DLG1: variants seen among roughly 807,000 people sequenced by gnomAD.
DLG1 encodes disks large homolog 1.
DLG1 carries 42 observed loss-of-function variants against 123.4 expected under a neutral mutation model. That is an observed-to-expected ratio of 0.34 (90% CI 0.27 to 0.44). DLG1 has a LOEUF of 0.44. Among genes scored for constraint, DLG1 ranks in the 20% least tolerant of loss-of-function variants. The pLI is 1.00. For synonymous variants in DLG1, 317 were observed against 356.2 expected (o/e 0.89, Z 1.24); for missense variants, 942 against 1,082.6 (o/e 0.87, Z 1.82).
At chr3:197,277,023 C>G (rs1766778062) in intron 4 of DLG1, among the ~76,000 whole-genome samples, 1 of 151,676 alleles carries the variant, frequency 6.6e-6, no homozygotes, top group Non-Finnish European at 1.5e-5. Context: ...TCCTGAGTAG[C>G]TGGGACCACA....
chr3:197,233,149 T>A (rs146879230), intron 4 of DLG1, among the ~76,000 whole-genome samples: 4 of 152,082 alleles, frequency 2.6e-5, no homozygotes, highest in Non-Finnish European at 5.9e-5. Context: ...TAATGAATAA[T>A]CTGAAAACAA....
chr3:197,097,580 CTTT>C (rs3051908), intron 14 of DLG1, among the ~76,000 whole-genome samples: 2 of 122,848 alleles, frequency 1.6e-5, no homozygotes. Flanking sequence ...TTTGTACTTT[CTTT>C]TTTTTTTTTT....
chr3:197,063,670 A>G (rs1737404883), intron 22 of DLG1, among the ~76,000 whole-genome samples: 1 of 152,212 alleles, frequency 6.6e-6, no homozygotes, highest in African/African-American at 2.4e-5. Flanking sequence ...ACAATGCTAC[A>G]ATGAATAAAT....
intron 23 of DLG1, among the ~76,000 whole-genome samples, chr3:197,055,968 T>A (rs1731395739): frequency 6.6e-6 from 1 of 152,230 alleles, no homozygotes; most frequent in Non-Finnish European, 1.5e-5. Flanking sequence ...TTGTCCACAC[T>A]GGCTCCCACA....
chr3:197,202,305 TCA>T (rs1398981026), intron 4 of DLG1, among the ~76,000 whole-genome samples: 1 of 152,040 alleles, frequency 6.6e-6, no homozygotes, highest in African/African-American at 2.4e-5. Context: ...TCCAAATTTC[TCA>T]ACCAGATTAT....
rs115668141 is a variant in DLG1 at position 197,056,602 on chromosome 3, T to A, written c.2483+3287A>T. Among the ~76,000 whole-genome samples, 926 of 152,358 alleles carry A rather than the reference T, an allele frequency of 6.1e-3. 6 individuals carry two copies. Among genetic ancestry groups the A allele is most frequent in the South Asian group, 0.022 (104 of 4,834 alleles). ...TTTTATGACGGGTTCAAGTCTTTAA[T>A]AAGTACTAGATTATTTAGGTTTTCT... On this transcript the variant is annotated intron_variant, in intron 23 of 24. Transcript: ENST00000667157.
chr3:197,290,875 G>C (rs1358583577), intron 3 of DLG1, among the ~76,000 whole-genome samples: 3 of 130,862 alleles, frequency 2.3e-5, no homozygotes, highest in African/African-American at 8.6e-5. Context: ...GGGTGGCAGA[G>C]CAAGACCCTG....
intron 10 of DLG1, among the ~76,000 whole-genome samples, chr3:197,132,166 C>T (rs575744453): frequency 2.6e-5 from 4 of 151,932 alleles, no homozygotes; most frequent in South Asian, 2.1e-4. Flanking sequence ...TTTCAAAGGA[C>T]CAACTTTCAG....
chr3:197,048,700 G>C (rs1205710986), intron 24 of DLG1, among the ~76,000 whole-genome samples: 1 of 152,146 alleles, frequency 6.6e-6, no homozygotes, highest in Non-Finnish European at 1.5e-5. Context: ...TTGTTGCCCA[G>C]GCTGGAGTGC....
chr3:197,209,005 G>C (rs1336270439), intron 4 of DLG1, among the ~76,000 whole-genome samples: 4 of 145,546 alleles, frequency 2.7e-5, no homozygotes, highest in Non-Finnish European at 6.2e-5. Context: ...AAAATTACTA[G>C]AAGTAATTTA....
intron 4 of DLG1, among the ~76,000 whole-genome samples, chr3:197,201,645 A>C (rs1373108290): frequency 2.0e-5 from 3 of 152,214 alleles, no homozygotes; most frequent in Non-Finnish European, 4.4e-5. Context: ...GGAAAACTAC[A>C]AAACAGTGAT....
chr3:197,119,982 A>T (rs2149437967), intron 11 of DLG1, among the ~76,000 whole-genome samples: 1 of 152,308 alleles, frequency 6.6e-6, no homozygotes, highest in Non-Finnish European at 1.5e-5. Flanking sequence ...ACTGTCGTCC[A>T]GGCGTAGTGG....
chr3:197,139,119 A>G (rs1246182448), intron 8 of DLG1, among the ~76,000 whole-genome samples: 1 of 152,138 alleles, frequency 6.6e-6, no homozygotes, highest in Non-Finnish European at 1.5e-5. Flanking sequence ...ATGTTTTTTA[A>G]AAGTCTGATT....
chr3:197,179,315 G>C (rs566788582), intron 5 of DLG1, among the ~76,000 whole-genome samples: 1 of 152,218 alleles, frequency 6.6e-6, no homozygotes, highest in South Asian at 2.1e-4. Flanking sequence ...ACACGTGACT[G>C]GTTTTCACCA....
At chr3:197,046,458 C>T (rs1271924409) in intron 24 of DLG1, among the ~76,000 whole-genome samples, 1 of 152,216 alleles carries the variant, frequency 6.6e-6, no homozygotes, top group Admixed American at 6.5e-5. Flanking sequence ...AACCTCCTTG[C>T]ATGATACACA....
At chr3:197,294,345 T>C (rs182956631) in intron 3 of DLG1, among the ~76,000 whole-genome samples, 13 of 152,236 alleles carry the variant, frequency 8.5e-5, no homozygotes, top group African/African-American at 2.6e-4. Context: ...ATAAACTTAG[T>C]AATTAGGAAG....
chr3:197,297,237 T>G lies in DLG1; in HGVS notation c.-31-2A>C. On this transcript the variant is annotated splice_acceptor_variant, in intron 1 of 24. Transcript: ENST00000667157. LOFTEE classifies it low-confidence loss of function (5UTR_SPLICE). ...CAGAATCAGGAAGAGGGCACACACCTTTAAAACACACAACGGAAAGGAAAA... is the reference window on the plus strand; with the variant it reads ...CAGAATCAGGAAGAGGGCACACACCGTTAAAACACACAACGGAAAGGAAAA... The G allele has an allele frequency of 6.2e-7, 1 of 1,613,880 alleles. No individual in the cohort carries two copies. The highest frequency in any genetic ancestry group is 8.5e-7 in the Non-Finnish European group (1 of 1,179,968).
At chr3:197,222,287 T>TC (rs1427079022) in intron 4 of DLG1, among the ~76,000 whole-genome samples, 1 of 152,018 alleles carries the variant, frequency 6.6e-6, no homozygotes, top group Non-Finnish European at 1.5e-5. Flanking sequence ...TTCCACCCTT[T>TC]CCCCGTCTTT....
At chr3:197,191,207 CATA>C (rs576802408) in intron 5 of DLG1, among the ~76,000 whole-genome samples, 8 of 152,158 alleles carry the variant, frequency 5.3e-5, no homozygotes, top group African/African-American at 1.7e-4. Context: ...AATTTAGAGA[CATA>C]ATACACCCTT....
Sources: allele counts gnomAD v4.1 joint callset (sites outside exome capture counted in the v4.1 genomes callset), GRCh38; gene constraint gnomAD v4.1.1; transcripts MANE v1.5; gene names NCBI Gene and HGNC (gene_info 2026-07-23, HGNC 2026-07-21).